PIF1: variants seen among roughly 807,000 people sequenced by gnomAD.
PIF1 encodes ATP-dependent DNA helicase PIF1.
Under a neutral mutation model 62.3 loss-of-function variants are expected in PIF1, and 67 were observed. That is an observed-to-expected ratio of 1.08 (90% CI 0.88 to 1.32). The LOEUF is 1.32. PIF1 is among the 40% of genes most tolerant of loss of function. The probability of loss-of-function intolerance (pLI) is 0.00; values close to 1 mark genes in which losing one functional copy is unlikely to be tolerated. For synonymous variants in PIF1, 364 were observed against 379.5 expected, an observed-to-expected ratio of 0.96 and a Z score of 0.47; for missense variants, 886 against 866.1, an observed-to-expected ratio of 1.02 and a Z score of -0.29.
In PIF1 at chr15:64,819,916, C is replaced by T. The variant is rs770346249; in HGVS notation, c.1264G>A (p.Ala422Thr). ...SHKVGRDGIV[A>T]TRLCTHQDDV... ...TCCTGGTGGGTGCAGAGCCTCGTGG[C>T]CACAATCCCATCTCGCCCCACCTTG... The change falls in exon 8 of 13, where the codon GCC becomes ACC. Residue 422 changes from alanine (A) to threonine (T), a missense_variant. Physicochemically the swap from Ala to Thr is moderately conservative, Grantham distance 58. Coordinates refer to ENST00000559239, the MANE Select transcript of PIF1 (RefSeq NM_001286496.2). 4.3e-6 allele frequency: 7 copies of T among 1,614,052 alleles called. No homozygotes were observed. In the East Asian group the frequency reaches 1.3e-4, roughly 31 times the overall value.
Position 64,819,201 on chromosome 15 carries a change from A to G in PIF1, c.1356T>C (p.Ala452=). 1.2e-6 allele frequency: 2 copies of G among 1,605,406 alleles called. No homozygotes were observed. The highest frequency in any genetic ancestry group is 1.7e-6 in the Non-Finnish European group (2 of 1,177,256). Residue 452 remains alanine (A), a synonymous_variant, in exon 9 of 13, where the codon GCT becomes GCC. Transcript: ENST00000559239. ...ELPGKVHRFE[A]MDSNPELAST... ...TGGCCAGCTCAGGGTTGCTGTCCAT[A>G]GCCTCAAATCTGTGTACCTTACCTG...
Position 64,817,967 on chromosome 15 carries a change from C to A in PIF1, c.1653G>T (p.Ala551=), listed in dbSNP as rs373964553. The change falls in exon 11 of 13, where the codon GCG becomes GCT. Residue 551 remains alanine, a synonymous_variant. Transcript: ENST00000559239. The part of the protein sequence containing the change: ...RQQLPLQLAW[A]MSIHKSQGMT... ...TCACTTGGCTCTTGTGGATGGACAT[C>A]GCCCAGGCCAGCTGGAGGGGCAGCT... The A allele has an allele frequency of 1.2e-5, 20 of 1,612,694 alleles. No individual in the cohort carries two copies. Among genetic ancestry groups the A allele is most frequent in the Non-Finnish European group, 1.6e-5 (19 of 1,179,564 alleles).
chr15:64,818,380 CT>C lies in PIF1; in HGVS notation c.1441-37del, dbSNP rs777846405. On this transcript the variant is annotated intron_variant, in intron 9 of 12. Transcript: ENST00000559239. ...GAGAGAGGAATGGACAGCAGCCCCC[CT>C]ACCCATGCCTGGTCTTAGCTTCGCC... 4 of 1,598,826 alleles carry C rather than the reference CT, an allele frequency of 2.5e-6. No homozygotes were observed. The Admixed American group carries it at 6.7e-5, about 27-fold the overall frequency.
chr15:64,819,857 C>G lies in PIF1; in HGVS notation c.1323G>C (p.Gln441His). The change falls in exon 8 of 13, where the codon CAG becomes CAC. Residue 441 changes from glutamine (Q) to histidine (H), a missense_variant. Gln to His is a conservative substitution (Grantham distance 24). Transcript: ENST00000559239. Reference protein sequence around the residue: ...DVALTNERRLQELPGKVHRFE... With the variant: ...DVALTNERRLHELPGKVHRFE... ...AGGCTCCCTGCTCACCTGGCAGCTC[C>G]TGAAGCCGCCTCTCGTTGGTGAGGG... 1 of 1,613,398 alleles carries G rather than the reference C, an allele frequency of 6.2e-7. No homozygotes were observed. The highest frequency in any genetic ancestry group is 8.5e-7 in the Non-Finnish European group (1 of 1,180,028).
intron 4 of PIF1, chr15:64,822,032 G>A (rs2084297446): frequency 7.7e-6 from 4 of 521,240 alleles, no homozygotes; most frequent in Admixed American, 3.8e-5. Flanking sequence ...GAGCCACTGC[G>A]CCCGGCCGCT....
In PIF1 at chr15:64,816,579, T is replaced by C; in HGVS notation, c.1861A>G (p.Ser621Gly). The change falls in exon 12 of 13, where the codon AGT (serine) becomes GGT (glycine). Residue 621 changes from serine (S) to glycine (G), a missense_variant. By Grantham distance (56) the Ser-to-Gly change is moderately conservative. Transcript: ENST00000559239. ...ACTGGATGACTCCCTCTTACCAGAC[T>C]GAGGCTCCTGCCCCGCCGCAGGGTG... Reference protein sequence around the residue: ...YATLRRGRSLSLESPDDDEAA... With the variant: ...YATLRRGRSLGLESPDDDEAA... 1 of 1,613,340 alleles carries C rather than the reference T, an allele frequency of 6.2e-7. No homozygotes were observed.
chr15:64,817,916 CCT>C, intron 11 of PIF1, 28 bp downstream of exon 11: 1 of 1,590,812 alleles, frequency 6.3e-7, no homozygotes, highest in Non-Finnish European at 8.6e-7. Flanking sequence ...CTCTGCCCTC[CCT>C]GTCCCTGCCC....
chr15:64,822,374 GAT>G lies in PIF1; in HGVS notation c.707_708del (p.Tyr236SerfsTer70), dbSNP rs1476538326. On this transcript the variant is annotated frameshift_variant, in exon 4 of 13. Coordinates refer to ENST00000559239, the MANE Select transcript of PIF1 (RefSeq NM_001286496.2). LOFTEE classifies it high-confidence loss of function. ...FTGSAGTGKS[Y>X]LLKRILGSLP... ...AGTGAGCCCAGGATTCGCTTTAGCA[GAT>G]ATGACTTCCCTGTTCCTGGACAGGG... The G allele has an allele frequency of 3.1e-6, 5 of 1,614,140 alleles. No individual in the cohort carries two copies. Among genetic ancestry groups the G allele is most frequent in the Middle Eastern group, 3.3e-4 (2 of 6,060 alleles).
chr15:64,825,904 G>C (rs1167646612), upstream of PIF1, among the ~76,000 whole-genome samples: 1 of 152,162 alleles, frequency 6.6e-6, no homozygotes, highest in African/African-American at 2.4e-5. Flanking sequence ...CCGGCGGCGC[G>C]TGGTGTCGGG....
chr15:64,825,384 A>G (rs1042810840), intron 1 of PIF1, among the ~76,000 whole-genome samples, 185 bp downstream of exon 1: 7 of 152,154 alleles, frequency 4.6e-5, no homozygotes, highest in African/African-American at 1.7e-4. Context: ...CTAGTAGTCA[A>G]AGTCAGTGTG....
chr15:64,822,837 G>A (rs1351754144), intron 2 of PIF1, among the ~76,000 whole-genome samples: 2 of 152,046 alleles, frequency 1.3e-5, no homozygotes, highest in Non-Finnish European at 2.9e-5. Flanking sequence ...GACCACACCA[G>A]TGTGGTCTAC....
At chr15:64,823,397 G>A (rs528756546) in intron 2 of PIF1, 282 of 156,796 alleles carry the variant, frequency 1.8e-3, no homozygotes, top group African/African-American at 5.8e-3. Context: ...ACAGGCGCCC[G>A]CCACCGCGCC....
rs544530355 is a variant in PIF1 at position 64,823,894 on chromosome 15, C to G, written c.442G>C (p.Val148Leu). 2.2e-6 allele frequency: 3 copies of G among 1,381,104 alleles called. No homozygotes were observed. The highest frequency in any genetic ancestry group is 5.6e-5 in the East Asian group (2 of 35,726). The allele number at this position is 1,381,104 out of a possible 1,614,324, so 85.6% of individuals were successfully genotyped here. The part of the protein sequence containing the change: ...QLLGPRPRDF[V>L]TISPVQPEER... ...TCGGGCTGCACAGGGCTGATGGTGA[C>G]GAAGTCGCGGGGCCGCGGGCCCAGC... Residue 148 changes from valine to leucine, a missense_variant, in exon 2 of 13, where the codon GTC (valine) becomes CTC (leucine). Coordinates refer to ENST00000559239, the MANE Select transcript of PIF1 (RefSeq NM_001286496.2).
Position 64,815,760 on chromosome 15 carries a change from A to C in PIF1, c.*538T>G. 1 of 1,550,610 alleles carries C rather than the reference A, an allele frequency of 6.4e-7. No homozygotes were observed. Among genetic ancestry groups the C allele is most frequent in the East Asian group, 2.4e-5 (1 of 40,914 alleles). Reference sequence around the variant, plus strand: ...AATATGGGTGCACATTTTGCAGCTTATGTTCTTTGGTTAGGCTCTGAAGGG... The same window carrying C: ...AATATGGGTGCACATTTTGCAGCTTCTGTTCTTTGGTTAGGCTCTGAAGGG... On this transcript the variant is annotated 3_prime_UTR_variant, in exon 13 of 13. Coordinates refer to ENST00000559239, the MANE Select transcript of PIF1 (RefSeq NM_001286496.2).
intron 7 of PIF1, among the ~76,000 whole-genome samples, chr15:64,820,385 A>G (rs1303911359): frequency 7.6e-4 from 116 of 152,236 alleles, no homozygotes; most frequent in Non-Finnish European, 1.3e-4. Flanking sequence ...TGAAAAATCT[A>G]GCTTATGTTT....
Position 64,816,700 on chromosome 15 carries a change from C to T in PIF1, c.1740G>A (p.Val580=). Residue 580 remains valine (V), a synonymous_variant, in exon 12 of 13, where the codon GTG becomes GTA. Transcript: ENST00000559239. The part of the protein sequence containing the change: ...GRVFASGQAY[V]ALSRARSLQG... ...GCAGGCTGCGGGCCCGAGAAAGGGC[C>T]ACATAGGCCTGGCCACTGGCAAACA... The T allele has an allele frequency of 6.2e-7, 1 of 1,613,446 alleles. No individual in the cohort carries two copies.
In PIF1 at chr15:64,816,065, T is replaced by C. The variant is rs1379619243; in HGVS notation, c.*233A>G. On this transcript the variant is annotated 3_prime_UTR_variant, in exon 13 of 13. Transcript: ENST00000559239. The stretch of plus-strand genomic sequence containing the variant: ...TCTCAACTGGCACAGAAAGGGTTAC[T>C]TCTGACCCTACAGCAGCTTACCCAG... 6.9e-7 allele frequency: 1 copy of C among 1,459,294 alleles called. No homozygotes were observed. Among genetic ancestry groups the C allele is most frequent in the East Asian group, 2.5e-5 (1 of 40,390 alleles). 90.4% of individuals were successfully genotyped at this position (1,459,294 alleles called of 1,614,324 possible).
At chr15:64,822,061 A>T in intron 4 of PIF1, 1 of 617,000 alleles carries the variant, frequency 1.6e-6, no homozygotes, top group Non-Finnish European at 2.7e-6. Context: ...AATTTTGTGG[A>T]GACAGGGTTT....
chr15:64,825,260 T>C (rs1185599598), intron 1 of PIF1, among the ~76,000 whole-genome samples: 1 of 152,032 alleles, frequency 6.6e-6, no homozygotes, highest in East Asian at 1.9e-4. Flanking sequence ...ACTTCTGCCT[T>C]GTAGGTACAT....
Sources: allele counts gnomAD v4.1 joint callset (sites outside exome capture counted in the v4.1 genomes callset), GRCh38; gene constraint gnomAD v4.1.1; transcripts MANE v1.5; gene names NCBI Gene and HGNC (gene_info 2026-07-23, HGNC 2026-07-21).